NCBP3: variants seen among roughly 807,000 people sequenced by gnomAD.
NCBP3 encodes the protein nuclear cap-binding protein subunit 3.
A neutral mutation model predicts 75.7 loss-of-function variants in NCBP3; 20 were observed. The observed-to-expected ratio is 0.26, with a 90% CI of 0.19 to 0.38. The LOEUF (loss-of-function observed/expected upper bound fraction) is 0.38, where lower values mean the gene tolerates loss of function less well. Among genes scored for constraint, NCBP3 ranks in the 10% least tolerant of loss-of-function variants. The probability of loss-of-function intolerance (pLI) is 1.00; values close to 1 mark genes in which losing one functional copy is unlikely to be tolerated. For synonymous variants in NCBP3, 293 were observed against 290.5 expected (o/e 1.01, Z -0.09); for missense variants, 678 against 796.9 (o/e 0.85, Z 1.80).
At chr17:3,830,953 C>T (rs1331191990) in intron 3 of NCBP3, among the ~76,000 whole-genome samples, 1 of 150,670 alleles carries the variant, frequency 6.6e-6, no homozygotes, top group Admixed American at 6.6e-5. Context: ...CTCTTGTTGC[C>T]CAGGCTGGAA....
rs1406204547 is a variant in NCBP3 at position 3,805,002 on chromosome 17, T to A, written c.*8042A>T. 1.3e-5 allele frequency: 2 copies of A among 152,314 alleles called. No homozygotes were observed. The highest frequency in any genetic ancestry group is 2.9e-5 in the Non-Finnish European group (2 of 68,110). The allele number at this position is 152,314 out of a possible 1,614,324, so 9.4% of individuals were successfully genotyped here. On this transcript the variant is annotated 3_prime_UTR_variant, in exon 13 of 13. Coordinates refer to ENST00000389005, the MANE Select transcript of NCBP3 (RefSeq NM_001114118.3). Reference sequence around the variant, plus strand: ...TTGTTTTTGAGATGGAGTCTTGCTCTTTCATCCAGACTGGAGTGCAGTGGC... The same window carrying A: ...TTGTTTTTGAGATGGAGTCTTGCTCATTCATCCAGACTGGAGTGCAGTGGC...
chr17:3,826,676 GAGAA>G (rs891365005), intron 4 of NCBP3, among the ~76,000 whole-genome samples: 2 of 146,884 alleles, frequency 1.4e-5, no homozygotes, highest in East Asian at 2.0e-4. Context: ...AAGAAAGAAA[GAGAA>G]AGAGAGACAG....
intron 3 of NCBP3, among the ~76,000 whole-genome samples, chr17:3,839,459 C>G: frequency 6.6e-6 from 1 of 152,164 alleles, no homozygotes; most frequent in South Asian, 2.1e-4. Flanking sequence ...GCGATTCTCA[C>G]GCCTCAGCCT....
chr17:3,836,991 A>G (rs1049420742), intron 3 of NCBP3, among the ~76,000 whole-genome samples: 10 of 148,922 alleles, frequency 6.7e-5, no homozygotes, highest in Non-Finnish European at 1.2e-4. Context: ...TCTATTAAAT[A>G]CAAAAAATTA....
At chr17:3,813,815 C>T (rs1487640988) in intron 12 of NCBP3, among the ~76,000 whole-genome samples, 1 of 152,180 alleles carries the variant, frequency 6.6e-6, no homozygotes, top group South Asian at 2.1e-4. Flanking sequence ...AGGCGCCCAC[C>T]ACCACGCCCG....
At chr17:3,827,225 G>C (rs2053804758) in intron 4 of NCBP3, among the ~76,000 whole-genome samples, 1 of 152,188 alleles carries the variant, frequency 6.6e-6, no homozygotes, top group Admixed American at 6.5e-5. Context: ...CCATGAAAAA[G>C]AGTTGTGTAT....
chr17:3,829,151 T>C (rs1318416647), intron 4 of NCBP3, 92 bp downstream of exon 4: 1 of 1,388,478 alleles, frequency 7.2e-7, no homozygotes, highest in South Asian at 1.4e-5. Flanking sequence ...AAACAAGTAG[T>C]ATGGGCCAGA....
intron 11 of NCBP3, 123 bp downstream of exon 11, chr17:3,815,993 C>A: frequency 3.5e-6 from 3 of 847,608 alleles, no homozygotes; most frequent in Non-Finnish European, 5.2e-6. Context: ...ACAATTTAGA[C>A]ATGATGAACC....
chr17:3,839,786 G>A (rs549724639), intron 3 of NCBP3, among the ~76,000 whole-genome samples: 4 of 152,306 alleles, frequency 2.6e-5, no homozygotes, highest in Admixed American at 1.3e-4. Context: ...ACACCTCTAC[G>A]ATAAAAGGAG....
chr17:3,825,846 A>G lies in NCBP3; in HGVS notation c.611-3T>C. 6.5e-7 allele frequency: 1 copy of G among 1,549,818 alleles called. No individual in the cohort carries two copies. Among genetic ancestry groups the G allele is most frequent in the Non-Finnish European group, 8.7e-7 (1 of 1,145,732 alleles). ...ATCTGAACTGTCTTCCTGCTTGTCT[A>G]AAATGGAATGTGAAGGACAAGATGA... On this transcript the variant is annotated splice_polypyrimidine_tract_variant and splice_region_variant and intron_variant, in intron 5 of 12. Transcript: ENST00000389005.
At chr17:3,844,224 C>T (rs1413756361) in intron 1 of NCBP3, among the ~76,000 whole-genome samples, 1 of 152,164 alleles carries the variant, frequency 6.6e-6, no homozygotes, top group African/African-American at 2.4e-5. Context: ...GGAAACCAAG[C>T]GAGGACTGAA....
At chr17:3,832,783 A>C (rs2053907482) in intron 3 of NCBP3, among the ~76,000 whole-genome samples, 1 of 152,266 alleles carries the variant, frequency 6.6e-6, no homozygotes, top group African/African-American at 2.4e-5. Flanking sequence ...CATTTAAAAC[A>C]AAAAAAATTT....
chr17:3,819,907 G>A (rs571602192), intron 9 of NCBP3, among the ~76,000 whole-genome samples: 87 of 152,232 alleles, frequency 5.7e-4, no homozygotes, highest in African/African-American at 1.9e-3. Context: ...ATATTTTAAA[G>A]TAACTCAAAT....
In NCBP3 at chr17:3,803,279, T is replaced by C. The variant is rs977204104; in HGVS notation, c.*9765A>G. On this transcript the variant is annotated 3_prime_UTR_variant, in exon 13 of 13. Coordinates refer to ENST00000389005, the MANE Select transcript of NCBP3 (RefSeq NM_001114118.3). ...TCAATGTCATGAAAGACAGAAAGGCTGAGGACCTGCTCCAAACGAAAGGAG... is the reference window on the plus strand; with the variant it reads ...TCAATGTCATGAAAGACAGAAAGGCCGAGGACCTGCTCCAAACGAAAGGAG... 1.3e-5 allele frequency: 2 copies of C among 152,242 alleles called. No individual in the cohort carries two copies. Among genetic ancestry groups the C allele is most frequent in the Admixed American group, 1.3e-4 (2 of 15,280 alleles). 9.4% of individuals were successfully genotyped at this position (152,242 alleles called of 1,614,324 possible).
intron 4 of NCBP3, among the ~76,000 whole-genome samples, chr17:3,827,071 AGGGTAGG>A (rs879902224): frequency 0.05 from 5,969 of 120,044 alleles, 197 homozygotes; most frequent in Admixed American, 0.11. Flanking sequence ...GGAAGGGGGA[AGGGTAGG>A]GGGAAAGGGG....
At position 3,819,051 on chromosome 17, in the gene NCBP3, C is replaced by T. The variant is rs986919804; in HGVS notation, c.1001-479G>A. 5.9e-5 allele frequency among the ~76,000 whole-genome samples: 9 copies of T among 152,298 alleles called. No homozygotes were observed. In the East Asian group the frequency reaches 7.7e-4, roughly 13 times the overall value. ...TCCACCGAGTGGCACATTTTTCACA[C>T]TTCTGTGCCTGCTGCTAGTGATTTC... On this transcript the variant is annotated intron_variant, in intron 9 of 12. Transcript: ENST00000389005.
At chr17:3,836,806 G>A (rs1411060509) in intron 3 of NCBP3, among the ~76,000 whole-genome samples, 1 of 152,090 alleles carries the variant, frequency 6.6e-6, no homozygotes, top group African/African-American at 2.4e-5. Context: ...CAGAGCTCAT[G>A]CTCATAACCA....
chr17:3,814,761 A>C (rs996091471), intron 11 of NCBP3, among the ~76,000 whole-genome samples: 1 of 152,168 alleles, frequency 6.6e-6, no homozygotes, highest in Non-Finnish European at 1.5e-5. Flanking sequence ...AGAATCAAGA[A>C]GACTAAGTAA....
At position 3,813,290 on chromosome 17, in the gene NCBP3, G is replaced by A; in HGVS notation, c.1628-11C>T. 3 of 1,613,414 alleles carry A rather than the reference G, an allele frequency of 1.9e-6. No individual in the cohort carries two copies. Among genetic ancestry groups the A allele is most frequent in the Non-Finnish European group, 2.5e-6 (3 of 1,179,902 alleles). ...GAGTCCATAAATTACCTGTTTGGAT[G>A]AGATGGCATTTCACTTTCGCAGTCA... is the stretch of plus-strand genomic sequence containing the variant. On this transcript the variant is annotated splice_polypyrimidine_tract_variant and intron_variant, in intron 12 of 12. Coordinates refer to ENST00000389005, the MANE Select transcript of NCBP3 (RefSeq NM_001114118.3).
Sources: allele counts gnomAD v4.1 joint callset (sites outside exome capture counted in the v4.1 genomes callset), GRCh38; gene constraint gnomAD v4.1.1; transcripts MANE v1.5; gene names NCBI Gene and HGNC (gene_info 2026-07-23, HGNC 2026-07-21).